ROBO2: variants seen among roughly 807,000 people sequenced by gnomAD.
ROBO2 encodes the protein roundabout homolog 2.
In ROBO2, 53 loss-of-function variants were observed where a neutral mutation model predicts 160.8. The ratio of observed to expected loss-of-function variants is 0.33; its 90% CI spans 0.26 to 0.41. ROBO2 has a LOEUF of 0.41. Ranked by LOEUF, ROBO2 falls within the 10% of genes least tolerant of loss-of-function variation. ROBO2 has a pLI of 1.00. For missense variants in ROBO2, 1,577 were observed against 1,722.4 expected (o/e 0.92, Z 1.49); for synonymous variants, 664 against 611.7 (o/e 1.09, Z -1.26).
At chr3:76,036,316 AT>A (rs1476064584) in intron 2 of ROBO2, among the ~76,000 whole-genome samples, 1 of 150,926 alleles carries the variant, frequency 6.6e-6, no homozygotes, top group Non-Finnish European at 1.5e-5. Flanking sequence ...CGCCCAGTTA[AT>A]TTTTGTATTT....
intron 2 of ROBO2, among the ~76,000 whole-genome samples, chr3:76,349,180 T>A (rs2074721464): frequency 6.6e-6 from 1 of 152,020 alleles, no homozygotes; most frequent in Non-Finnish European, 1.5e-5. Context: ...TTTTAAAAGA[T>A]TTTTTTAAAA....
In ROBO2 at chr3:76,947,366, A is replaced by G. The variant is rs1046159350; in HGVS notation, c.110-150648A>G. On this transcript the variant is annotated intron_variant, in intron 2 of 26. Coordinates refer to the ROBO2 transcript ENST00000487694. ...TTTTCAGAATAGTCTTGTTGGAACAAAGGTTTTCCTTTACATTGCAGCAAA... is the reference window on the plus strand; with the variant it reads ...TTTTCAGAATAGTCTTGTTGGAACAGAGGTTTTCCTTTACATTGCAGCAAA... 3.5e-4 allele frequency among the ~76,000 whole-genome samples: 53 copies of G among 152,142 alleles called. 1 individual carries two copies. The highest frequency in any genetic ancestry group is 1.2e-3 in the African/African-American group (51 of 41,440).
At chr3:77,420,284 G>A (rs1192798379) in intron 2 of ROBO2, among the ~76,000 whole-genome samples, 2 of 151,046 alleles carry the variant, frequency 1.3e-5, no homozygotes, top group Non-Finnish European at 3.0e-5. Flanking sequence ...AAATAAATAT[G>A]TTTGGAAAAG....
At chr3:76,682,909 G>A (rs190525464) in intron 2 of ROBO2, among the ~76,000 whole-genome samples, 14 of 152,006 alleles carry the variant, frequency 9.2e-5, no homozygotes, top group Admixed American at 6.6e-4. Flanking sequence ...GAGAACTGGC[G>A]CTCAGAAGAA....
rs76949141 is a variant in ROBO2, at chr3:76,411,806, G to A, written c.109+474204G>A. Among the ~76,000 whole-genome samples the A allele has an allele frequency of 5.7e-3, 864 of 152,318 alleles. 5 individuals carry two copies. The highest frequency in any genetic ancestry group is 8.1e-3 in the Non-Finnish European group (552 of 68,034). On this transcript the variant is annotated intron_variant, in intron 2 of 26. Coordinates refer to the ROBO2 transcript ENST00000487694. ...TGATAATACTGATGAATGCTATTGT[G>A]TAGAATGTGTATATGTCCTGTGAAT...
intron 2 of ROBO2, among the ~76,000 whole-genome samples, chr3:77,354,423 C>T (rs550823586): frequency 9.2e-5 from 14 of 151,942 alleles, no homozygotes; most frequent in South Asian, 4.2e-4. Flanking sequence ...AATTTTATTT[C>T]GCGGCATGAA....
chr3:76,075,273 TGAAC>T (rs1307200953), intron 2 of ROBO2, among the ~76,000 whole-genome samples: 2 of 151,748 alleles, frequency 1.3e-5, no homozygotes, highest in Non-Finnish European at 2.9e-5. Context: ...CAGGGGAGGA[TGAAC>T]GATTGTGTCC....
intron 2 of ROBO2, among the ~76,000 whole-genome samples, chr3:76,662,033 C>G (rs1433497605): frequency 6.6e-6 from 1 of 152,082 alleles, no homozygotes; most frequent in Non-Finnish European, 1.5e-5. Context: ...TTAAGAAGTT[C>G]ATTTTAATGT....
chr3:77,432,590 T>G lies in ROBO2; in HGVS notation c.389-44824T>G, dbSNP rs550179790. Among the ~76,000 whole-genome samples, 3 of 152,296 alleles carry G rather than the reference T, an allele frequency of 2.0e-5. No individual in the cohort carries two copies. In the South Asian group the frequency reaches 6.2e-4, roughly 32 times the overall value. ...TAATGTTTTTATTGGTGCACAGCTGTGCTTATTTATTAGCATATTGTCTAT... is the reference window on the plus strand; with the variant it reads ...TAATGTTTTTATTGGTGCACAGCTGGGCTTATTTATTAGCATATTGTCTAT... On this transcript the variant is annotated intron_variant, in intron 2 of 25. Coordinates refer to ENST00000461745, the Ensembl canonical transcript of ROBO2.
chr3:77,344,204 A>G (rs1331140967), intron 2 of ROBO2, among the ~76,000 whole-genome samples: 1 of 152,180 alleles, frequency 6.6e-6, no homozygotes, highest in Non-Finnish European at 1.5e-5. Context: ...ATGACAAAAA[A>G]GAGTCAGCCA....
intron 2 of ROBO2, among the ~76,000 whole-genome samples, chr3:77,390,032 T>C (rs555876471): frequency 6.6e-6 from 1 of 152,316 alleles, no homozygotes; most frequent in Admixed American, 6.5e-5. Context: ...CAGCAACCTA[T>C]GTCCAGAAGA....
At chr3:76,016,815 C>T (rs545303827) in intron 2 of ROBO2, among the ~76,000 whole-genome samples, 7 of 152,088 alleles carry the variant, frequency 4.6e-5, no homozygotes, top group African/African-American at 1.2e-4. Flanking sequence ...TGCCAGAAGA[C>T]AGTGCTTCTC....
chr3:77,449,610 A>T (rs1010652822), intron 2 of ROBO2, among the ~76,000 whole-genome samples: 1 of 152,106 alleles, frequency 6.6e-6, no homozygotes, highest in African/African-American at 2.4e-5. Flanking sequence ...TAAAACCAAC[A>T]ATTTTATGCA....
intron 2 of ROBO2, among the ~76,000 whole-genome samples, chr3:76,076,163 C>T (rs915388140): frequency 3.3e-5 from 5 of 152,134 alleles, no homozygotes; most frequent in Non-Finnish European, 7.4e-5. Context: ...GTTTGAATGT[C>T]GTTTACTCTC....
chr3:77,410,562 T>A (rs1471975422), intron 2 of ROBO2, among the ~76,000 whole-genome samples: 9 of 138,248 alleles, frequency 6.5e-5, no homozygotes, highest in Non-Finnish European at 1.3e-4. Flanking sequence ...TTCTTCCTCC[T>A]CTTCTTCCTC....
intron 7 of ROBO2, among the ~76,000 whole-genome samples, chr3:77,548,521 A>T (rs995036606): frequency 1.2e-4 from 18 of 152,060 alleles, no homozygotes; most frequent in African/African-American, 3.9e-4. Flanking sequence ...TCCAAGTTGA[A>T]TTACAAGGTA....
intron 2 of ROBO2, among the ~76,000 whole-genome samples, chr3:76,563,569 T>G (rs1384640545): frequency 6.6e-6 from 1 of 152,196 alleles, no homozygotes; most frequent in African/African-American, 2.4e-5. Context: ...TTCCCAGATC[T>G]TTGTTATTTG....
chr3:76,430,178 T>C (rs2076380406), intron 2 of ROBO2, among the ~76,000 whole-genome samples: 1 of 152,126 alleles, frequency 6.6e-6, no homozygotes, highest in Non-Finnish European at 1.5e-5. Flanking sequence ...CCAAATACCT[T>C]CTATGTTTCT....
chr3:76,746,181 G>T (rs1347174284), intron 2 of ROBO2, among the ~76,000 whole-genome samples: 1 of 151,920 alleles, frequency 6.6e-6, no homozygotes, highest in Non-Finnish European at 1.5e-5. Context: ...TTTTATGGCT[G>T]CATAGTATTC....
Sources: gnomAD v4.1 joint callset for allele counts (sites outside exome capture counted in the v4.1 genomes callset) on GRCh38, gnomAD v4.1.1 for gene constraint, MANE v1.5 for transcripts, NCBI Gene and HGNC (gene_info 2026-07-23, HGNC 2026-07-21) for gene names.